The following LRTM2 variants were observed in gnomAD, a reference collection of about 807,000 sequenced individuals.
LRTM2 encodes leucine-rich repeat and transmembrane domain-containing protein 2.
LRTM2 carries 18 observed loss-of-function variants against 28.1 expected under a neutral mutation model. That is an observed-to-expected ratio of 0.64 (90% CI 0.44 to 0.95). The LOEUF (loss-of-function observed/expected upper bound fraction) is 0.95, where lower values mean the gene tolerates loss of function less well. Ranked by LOEUF, LRTM2 falls within the 40% of genes least tolerant of loss-of-function variation. The pLI, the probability that LRTM2 is intolerant of heterozygous loss-of-function variation, is 0.00. For missense variants in LRTM2, 436 were observed against 497.2 expected (o/e 0.88, Z 1.17); for synonymous variants, 250 against 218.7 (o/e 1.14, Z -1.26).
intron 1 of LRTM2, among the ~76,000 whole-genome samples, chr12:1,824,196 C>T (rs1178951507): frequency 2.6e-5 from 4 of 152,156 alleles, no homozygotes; most frequent in East Asian, 3.8e-4. Flanking sequence ...CCTCGGTGGC[C>T]GTTTGCCCTG....
At chr12:1,826,077 A>C (rs1864305011) in intron 1 of LRTM2, among the ~76,000 whole-genome samples, 1 of 152,136 alleles carries the variant, frequency 6.6e-6, no homozygotes, top group South Asian at 2.1e-4. Flanking sequence ...AATGAGAAAC[A>C]ACCTCACAGG....
chr12:1,831,718 A>G (rs1372303380), intron 4 of LRTM2, among the ~76,000 whole-genome samples, 193 bp downstream of exon 4: 1 of 152,020 alleles, frequency 6.6e-6, no homozygotes, highest in Non-Finnish European at 1.5e-5. Context: ...CTTCCTGCCA[A>G]TGGGAGAGAG....
intron 4 of LRTM2, among the ~76,000 whole-genome samples, chr12:1,832,995 G>A (rs1330394499): frequency 6.6e-6 from 1 of 152,174 alleles, no homozygotes; most frequent in Non-Finnish European, 1.5e-5. Flanking sequence ...TTTGCTGCAG[G>A]CCACCGAGGT....
intron 1 of LRTM2, among the ~76,000 whole-genome samples, chr12:1,827,011 C>T (rs1006616598): frequency 3.3e-5 from 5 of 152,208 alleles, no homozygotes; most frequent in African/African-American, 1.2e-4. Context: ...CAGGAATTAC[C>T]CAGGGACAAA....
chr12:1,831,641 G>A, intron 4 of LRTM2, 116 bp downstream of exon 4: 2 of 858,602 alleles, frequency 2.3e-6, no homozygotes, highest in African/African-American at 3.4e-5. Flanking sequence ...GAAAGAAGGG[G>A]GCGACCCTGC....
chr12:1,833,637 G>A lies in LRTM2; in HGVS notation c.659-630G>A, dbSNP rs1398334085. ...GGGGCCATTGGATTGCTCCTAAGGA[G>A]GAGAAGGAGAACATTCCTGCCCAAC... On this transcript the variant is annotated intron_variant, in intron 4 of 4. Coordinates refer to ENST00000299194, the MANE Select transcript of LRTM2 (RefSeq NM_001039029.3). The surrounding 1 kb of genome is among the most constrained non-coding windows in gnomAD (Gnocchi z 4.2). Among the ~76,000 whole-genome samples the A allele has an allele frequency of 6.6e-6, 1 of 152,166 alleles. No homozygotes were observed. The highest frequency in any genetic ancestry group is 1.5e-5 in the Non-Finnish European group (1 of 68,032).
rs1565692182 is a variant in LRTM2, at chr12:1,828,115, G to A, written c.-34G>A. On this transcript the variant is annotated 5_prime_UTR_variant, in exon 3 of 5. Coordinates refer to ENST00000299194, the MANE Select transcript of LRTM2 (RefSeq NM_001039029.3). The surrounding 1 kb of genome is among the most constrained non-coding windows in gnomAD (Gnocchi z 4.2). ...GCACCCAGGGGCTCCTCTCTCCCCA[G>A]AGCGACAGGGCCCGGAGAGCCGTGG... 6.6e-7 allele frequency: 1 copy of A among 1,504,232 alleles called. No homozygotes were observed. Among genetic ancestry groups the A allele is most frequent in the East Asian group, 2.5e-5 (1 of 39,680 alleles). The allele number at this position is 1,504,232 out of a possible 1,614,324, so 93.2% of individuals were successfully genotyped here.
intron 1 of LRTM2, among the ~76,000 whole-genome samples, chr12:1,826,410 C>CA (rs1555177895): frequency 1.3e-5 from 1 of 79,246 alleles, no homozygotes; most frequent in Admixed American, 1.2e-4. Flanking sequence ...GCCCCCCCCC[C>CA]CCCCCCGCCA....
rs2154447471 is a variant in LRTM2, at chr12:1,836,627, AC to A, written c.*1907del. The A allele has an allele frequency of 6.6e-6, 1 of 152,596 alleles. No homozygotes were observed. 9.5% of individuals were successfully genotyped at this position (152,596 alleles called of 1,614,324 possible). A position where few individuals can be genotyped will look rare whatever the true frequency, so the allele number is the denominator to read the frequency against. ...CCAGATCTGGGGATTTTCTAAAGGGACTGGGGGGAGGGGAGGGCATTGTCAA... is the reference window on the plus strand; with the variant it reads ...CCAGATCTGGGGATTTTCTAAAGGGATGGGGGGAGGGGAGGGCATTGTCAA... On this transcript the variant is annotated 3_prime_UTR_variant, in exon 5 of 5. Transcript: ENST00000299194.
At chr12:1,822,590 CTGTT>C (rs1864150314) in intron 1 of LRTM2, among the ~76,000 whole-genome samples, 1 of 152,158 alleles carries the variant, frequency 6.6e-6, no homozygotes, top group African/African-American at 2.4e-5. Flanking sequence ...CCCAGAGGGT[CTGTT>C]TGAGATTGAG....
chr12:1,829,820 G>T lies in LRTM2; in HGVS notation c.68-1115G>T, dbSNP rs1199023068. ...TCTTTTCTCTAGGCTGGGTGGAACT[G>T]ACCTCGGCTGGGCTGACCTGGTGGG... On this transcript the variant is annotated intron_variant, in intron 3 of 4. Transcript: ENST00000299194. This position sits in a 1 kb window ranked among gnomAD's most constrained non-coding sequence, Gnocchi z 4.2. 6.6e-6 allele frequency among the ~76,000 whole-genome samples: 1 copy of T among 151,922 alleles called. No individual in the cohort carries two copies. Among genetic ancestry groups the T allele is most frequent in the Non-Finnish European group, 1.5e-5 (1 of 67,966 alleles).
At chr12:1,822,002 G>C (rs1864124090) in intron 1 of LRTM2, 1 of 152,288 alleles carries the variant, frequency 6.6e-6, no homozygotes, top group South Asian at 2.1e-4. Context: ...GGGAAGTCCA[G>C]CTGGTAGGGA....
rs777261343 is a variant in LRTM2, at chr12:1,831,210, C to T, written c.343C>T (p.Leu115=). The T allele has an allele frequency of 6.8e-6, 11 of 1,613,888 alleles. No individual in the cohort carries two copies. The highest frequency in any genetic ancestry group is 9.3e-6 in the Non-Finnish European group (11 of 1,180,028). The part of the protein sequence containing the change: ...DRLPRSIFGD[L]TNLTELQLRN... ...GCTGCCCCGCTCCATTTTCGGGGAC[C>T]TGACGAATCTGACTGAGCTTCAGCT... is the stretch of plus-strand genomic sequence containing the variant. Residue 115 remains leucine (L), a synonymous_variant, in exon 4 of 5, where the codon CTG becomes TTG. Coordinates refer to ENST00000299194, the MANE Select transcript of LRTM2 (RefSeq NM_001039029.3).
intron 1 of LRTM2, among the ~76,000 whole-genome samples, chr12:1,823,553 C>T (rs1408847546): frequency 6.6e-6 from 1 of 151,982 alleles, no homozygotes; most frequent in Non-Finnish European, 1.5e-5. Flanking sequence ...GCCTCCTGCT[C>T]CCCCATGGCC....
chr12:1,830,290 T>G (rs1864563183), intron 3 of LRTM2, among the ~76,000 whole-genome samples: 1 of 152,246 alleles, frequency 6.6e-6, no homozygotes, highest in Non-Finnish European at 1.5e-5. Flanking sequence ...TAAATCCTCA[T>G]GCCAAACTGC....
rs1203839211 is a variant in LRTM2, at chr12:1,834,128, T to C, written c.659-139T>C. On this transcript the variant is annotated intron_variant, in intron 4 of 4. Coordinates refer to ENST00000299194, the MANE Select transcript of LRTM2 (RefSeq NM_001039029.3). The surrounding 1 kb of genome is among the most constrained non-coding windows in gnomAD (Gnocchi z 7.6). ...TTTCCCTCCTCCGCTTCCTCTTCTATAGATGGTGATTCCAGGATTGACTAC... is the reference window on the plus strand; with the variant it reads ...TTTCCCTCCTCCGCTTCCTCTTCTACAGATGGTGATTCCAGGATTGACTAC... 3 of 986,260 alleles carry C rather than the reference T, an allele frequency of 3.0e-6. No individual in the cohort carries two copies. The highest frequency in any genetic ancestry group is 4.3e-6 in the Non-Finnish European group (3 of 698,086). The allele number at this position is 986,260 out of a possible 1,614,324, so 61.1% of individuals were successfully genotyped here.
Position 1,828,206 on chromosome 12 carries a change from CAA to C in LRTM2, c.59_60del (p.Gln20ArgfsTer26). On this transcript the variant is annotated frameshift_variant, in exon 3 of 5. Transcript: ENST00000299194. LOFTEE classifies it high-confidence loss of function. This position sits in a 1 kb window ranked among gnomAD's most constrained non-coding sequence, Gnocchi z 4.2. Reference protein sequence around the residue: ...QRGRLALQWRQVSWITCWIAL... With the variant: ...QRGRLALQWRXVSWITCWIAL... ...GGGCAGGCTCGCCCTGCAGTGGAGGCAAGTCTCCTGTGAGTACACCCCTGGCC... is the reference window on the plus strand; with the variant it reads ...GGGCAGGCTCGCCCTGCAGTGGAGGCGTCTCCTGTGAGTACACCCCTGGCC... 1 of 1,545,572 alleles carries C rather than the reference CAA, an allele frequency of 6.5e-7. No homozygotes were observed. Among genetic ancestry groups the C allele is most frequent in the Non-Finnish European group, 8.7e-7 (1 of 1,144,586 alleles).
chr12:1,830,981 C>T lies in LRTM2; in HGVS notation c.114C>T (p.Thr38=), dbSNP rs771977331. The T allele has an allele frequency of 1.9e-6, 3 of 1,613,694 alleles. No homozygotes were observed. In the South Asian group the frequency reaches 3.3e-5, roughly 18 times the overall value. The part of the protein sequence containing the change: ...IALYAVEALP[T]CPFSCKCDSR... ...TGTATGCTGTGGAGGCCCTCCCCACCTGCCCTTTCTCCTGCAAGTGTGACA... is the reference window on the plus strand; with the variant it reads ...TGTATGCTGTGGAGGCCCTCCCCACTTGCCCTTTCTCCTGCAAGTGTGACA... Residue 38 remains threonine, a synonymous_variant, in exon 4 of 5, where the codon ACC becomes ACT. Coordinates refer to ENST00000299194, the MANE Select transcript of LRTM2 (RefSeq NM_001039029.3).
chr12:1,834,740 C>G lies in LRTM2; in HGVS notation c.*19C>G, dbSNP rs752644815. 5.1e-6 allele frequency: 8 copies of G among 1,569,384 alleles called. No individual in the cohort carries two copies. The Admixed American group carries it at 1.4e-4, about 27-fold the overall frequency. On this transcript the variant is annotated 3_prime_UTR_variant, in exon 5 of 5. Transcript: ENST00000299194. This position sits in a 1 kb window ranked among gnomAD's most constrained non-coding sequence, Gnocchi z 7.6. The stretch of plus-strand genomic sequence containing the variant: ...GGCCTGAGCGCCCATCCCCACCCGG[C>G]CAGGTAGGAAGGGCGGGGAGAGCAC...
Sources: allele counts gnomAD v4.1 joint callset (sites outside exome capture counted in the v4.1 genomes callset), GRCh38; gene constraint gnomAD v4.1.1; non-coding constraint Gnocchi (gnomAD v3.1); transcripts MANE v1.5; gene names NCBI Gene and HGNC (gene_info 2026-07-23, HGNC 2026-07-21).